The following ZC3H18 variants were observed in gnomAD, a reference collection of about 807,000 sequenced individuals.
ZC3H18 encodes the protein zinc finger CCCH-type containing 18.
Under a neutral mutation model 106.1 loss-of-function variants are expected in ZC3H18, and 8 were observed. The ratio of observed to expected loss-of-function variants is 0.08; its 90% CI spans 0.04 to 0.14. ZC3H18 has a LOEUF of 0.14. Among genes scored for constraint, ZC3H18 ranks in the 10% least tolerant of loss-of-function variants. The pLI, the probability that ZC3H18 is intolerant of heterozygous loss-of-function variation, is 1.00. For missense variants in ZC3H18, 1,318 were observed against 1,278.4 expected (o/e 1.03, Z -0.47); for synonymous variants, 635 against 522.1 (o/e 1.22, Z -2.95).
chr16:88,598,667 C>G lies in ZC3H18; in HGVS notation c.885C>G (p.Pro295=), dbSNP rs981660438. The G allele has an allele frequency of 5.0e-6, 8 of 1,613,254 alleles. No individual in the cohort carries two copies. Among genetic ancestry groups the G allele is most frequent in the Admixed American group, 1.7e-5 (1 of 59,916 alleles). ...DEILPPPPPE[P]PTESAWERGL... is the part of the protein sequence containing the mutation. ...TTTTGCCTCCACCCCCTCCAGAGCCCCCAACAGAGAGTGCCTGGGAACGAG... is the reference window on the plus strand; with the variant it reads ...TTTTGCCTCCACCCCCTCCAGAGCCGCCAACAGAGAGTGCCTGGGAACGAG... Residue 295 remains proline, a synonymous_variant, in exon 5 of 18, where the codon CCC becomes CCG. Coordinates refer to ENST00000301011, the MANE Select transcript of ZC3H18 (RefSeq NM_144604.4).
chr16:88,628,609 C>A, intron 15 of ZC3H18, 149 bp from the exon 16 acceptor site: 1 of 793,872 alleles, frequency 1.3e-6, no homozygotes, highest in Non-Finnish European at 2.1e-6. Context: ...TCCTGGAGGC[C>A]TCACTCAGGG....
At chr16:88,595,840 A>G (rs1242197721) in intron 3 of ZC3H18, among the ~76,000 whole-genome samples, 2 of 152,098 alleles carry the variant, frequency 1.3e-5, no homozygotes, top group Non-Finnish European at 2.9e-5. Flanking sequence ...AAAGAAAGTA[A>G]TATGGGCTGG....
At chr16:88,618,876 G>T (rs751559366) in intron 8 of ZC3H18, among the ~76,000 whole-genome samples, 1 of 152,100 alleles carries the variant, frequency 6.6e-6, no homozygotes, top group African/African-American at 2.4e-5. Context: ...CATCCCTTGC[G>T]AGCGTTCTCA....
intron 17 of ZC3H18, 122 bp downstream of exon 17, chr16:88,630,703 T>G: frequency 1.4e-6 from 1 of 714,406 alleles, no homozygotes; most frequent in Non-Finnish European, 2.2e-6. Flanking sequence ...CTACAGCTCC[T>G]GCTGGTCTGA....
chr16:88,611,563 G>A, intron 8 of ZC3H18, 27 bp downstream of exon 8: 1 of 1,545,940 alleles, frequency 6.5e-7, no homozygotes, highest in African/African-American at 1.4e-5. Flanking sequence ...GAAGCCCAGG[G>A]GTGTGGGGGA....
chr16:88,607,590 G>A (rs937024910), intron 6 of ZC3H18, among the ~76,000 whole-genome samples: 7 of 151,900 alleles, frequency 4.6e-5, no homozygotes, highest in African/African-American at 7.3e-5. Context: ...TGTATCAGGC[G>A]TCTCCCCATT....
In ZC3H18 at chr16:88,627,854, C is replaced by T. The variant is rs1906408883; in HGVS notation, c.2270-66C>T. On this transcript the variant is annotated intron_variant, in intron 14 of 17. Transcript: ENST00000301011. This position sits in a 1 kb window ranked among gnomAD's most constrained non-coding sequence, Gnocchi z 4.5. ...AGGGCGGCATCAGCACAGACTTTGC[C>T]TGGCTGTTGGTGTGGCCATGGGAAA... 1.2e-6 allele frequency: 2 copies of T among 1,612,430 alleles called. No homozygotes were observed. The highest frequency in any genetic ancestry group is 2.7e-5 in the African/African-American group (2 of 74,916).
At chr16:88,586,825 T>G (rs1597327214) in intron 3 of ZC3H18, 141 bp downstream of exon 3, 16 of 578,142 alleles carry the variant, frequency 2.8e-5, no homozygotes, top group Non-Finnish European at 3.2e-5. Context: ...GTGGTGGTGG[T>G]GGTGGTGGTG....
chr16:88,603,617 C>T (rs1196817241), intron 6 of ZC3H18, among the ~76,000 whole-genome samples: 1 of 128,914 alleles, frequency 7.8e-6, no homozygotes, highest in Non-Finnish European at 1.6e-5. Flanking sequence ...GAGCGAGACT[C>T]CGTCTCTTTT....
At chr16:88,593,042 A>C (rs1406806279) in intron 3 of ZC3H18, among the ~76,000 whole-genome samples, 1 of 152,196 alleles carries the variant, frequency 6.6e-6, no homozygotes, top group Non-Finnish European at 1.5e-5. Context: ...TAAGAGATTA[A>C]CAACAATAGC....
Position 88,604,888 on chromosome 16 carries a change from AGGCCATGGCCAG to A in ZC3H18, c.1089-4037_1089-4026del, listed in dbSNP as rs1353796166. On this transcript the variant is annotated intron_variant, in intron 6 of 17. Transcript: ENST00000301011. ...CTGATTAAATCAGAGTCAGGCTGTC[AGGCCATGGCCAG>A]GGCCATGGACTGGGCCCCTGCCAAC... Among the ~76,000 whole-genome samples the A allele has an allele frequency of 3.3e-5, 5 of 152,228 alleles. No individual in the cohort carries two copies. The South Asian group carries it at 6.2e-4, about 19-fold the overall frequency.
At chr16:88,583,806 C>T (rs2142569212) in intron 2 of ZC3H18, among the ~76,000 whole-genome samples, 1 of 152,252 alleles carries the variant, frequency 6.6e-6, no homozygotes, top group South Asian at 2.1e-4. Context: ...CCCACGGGCA[C>T]CATCCGTTTT....
In ZC3H18 at chr16:88,628,766, T is replaced by C. The variant is rs1597362927; in HGVS notation, c.2478T>C (p.Asp826=). Residue 826 remains aspartate (D), a synonymous_variant, in exon 16 of 18, where the codon GAT becomes GAC. Transcript: ENST00000301011. ...CCTCTCTCTTGTCCCAGGCGGCTGA[T>C]AAAGGAAGCAGGAAGCGCTATGAAC... ...IKLTLLNKAA[D]KGSRKRYEPS... is the part of the protein sequence containing the mutation. 1.2e-6 allele frequency: 2 copies of C among 1,613,676 alleles called. No homozygotes were observed. Among genetic ancestry groups the C allele is most frequent in the Non-Finnish European group, 1.7e-6 (2 of 1,179,782 alleles).
intron 1 of ZC3H18, among the ~76,000 whole-genome samples, chr16:88,572,279 G>A (rs572572080): frequency 1.6e-3 from 247 of 152,370 alleles, no homozygotes; most frequent in Non-Finnish European, 2.9e-3. Flanking sequence ...GGGCTGCTCG[G>A]AAGGGAGGTA....
At position 88,623,237 on chromosome 16, in the gene ZC3H18, G is replaced by A. The variant is rs375338384; in HGVS notation, c.1686G>A (p.Ser562=). Residue 562 remains serine, a synonymous_variant, in exon 10 of 18, where the codon TCG becomes TCA. Coordinates refer to ENST00000301011, the MANE Select transcript of ZC3H18 (RefSeq NM_144604.4). ...SNSSRSSSRS[S]SYSGSGSSRS... is the part of the protein sequence containing the mutation. ...GCCCCAGGTCGTCTTCGCGGTCATC[G>A]TCCTACTCTGGCTCCGGCTCCTCCC... The A allele has an allele frequency of 2.4e-5, 38 of 1,613,332 alleles. No homozygotes were observed. The African/African-American group carries it at 2.5e-4, about 11-fold the overall frequency.
intron 3 of ZC3H18, among the ~76,000 whole-genome samples, chr16:88,588,350 C>G (rs566863577): frequency 2.0e-5 from 3 of 152,206 alleles, no homozygotes; most frequent in Non-Finnish European, 4.4e-5. Flanking sequence ...ACCGGCCAGT[C>G]GGCGTTGGCC....
chr16:88,627,570 G>A lies in ZC3H18; in HGVS notation c.2109-52G>A. 1.3e-6 allele frequency: 2 copies of A among 1,554,556 alleles called. No homozygotes were observed. Among genetic ancestry groups the A allele is most frequent in the Non-Finnish European group, 1.7e-6 (2 of 1,145,332 alleles). On this transcript the variant is annotated intron_variant, in intron 13 of 17. Transcript: ENST00000301011. This position sits in a 1 kb window ranked among gnomAD's most constrained non-coding sequence, Gnocchi z 4.5. ...GTGGACCATGGAGCACCCCCTGCTGGCCCCTCCCTCCAGTCTGGCTGGGGT... is the reference window on the plus strand; with the variant it reads ...GTGGACCATGGAGCACCCCCTGCTGACCCCTCCCTCCAGTCTGGCTGGGGT...
At chr16:88,590,399 C>T (rs1015969357) in intron 3 of ZC3H18, among the ~76,000 whole-genome samples, 8 of 152,132 alleles carry the variant, frequency 5.3e-5, no homozygotes, top group African/African-American at 1.9e-4. Context: ...TTGTGTACGC[C>T]TGCCCGGCTC....
chr16:88,593,743 C>G (rs776913587), intron 3 of ZC3H18, among the ~76,000 whole-genome samples: 2 of 152,152 alleles, frequency 1.3e-5, no homozygotes, highest in East Asian at 1.9e-4. Context: ...CTGGCAGGAA[C>G]AAAGTGAGCC....
Sources: allele counts gnomAD v4.1 joint callset (sites outside exome capture counted in the v4.1 genomes callset), GRCh38; gene constraint gnomAD v4.1.1; non-coding constraint Gnocchi (gnomAD v3.1); transcripts MANE v1.5; gene names NCBI Gene and HGNC (gene_info 2026-07-23, HGNC 2026-07-21).